The following MEGF11 variants were observed in gnomAD, a reference collection of about 807,000 sequenced individuals.
The protein encoded by MEGF11 is multiple EGF like domains 11.
Under a neutral mutation model 146.6 loss-of-function variants are expected in MEGF11, and 126 were observed. The ratio of observed to expected loss-of-function variants is 0.86; its 90% CI spans 0.74 to 1.00. MEGF11 has a LOEUF of 1.00. MEGF11 is among the 50% of genes least tolerant of loss of function. The pLI is 0.00. For missense variants in MEGF11, 1,509 were observed against 1,521.2 expected, an observed-to-expected ratio of 0.99 and a Z score of 0.13; for synonymous variants, 532 against 583.4, an observed-to-expected ratio of 0.91 and a Z score of 1.27.
chr15:66,231,401 C>A lies in MEGF11; in HGVS notation c.-9+22204G>T, dbSNP rs147290101. ...GTGTGATACGGCCTCTAGATAATGG[C>A]GGGGTCAGAACGGAAGTTGTCAAAG... On this transcript the variant is annotated intron_variant, in intron 1 of 25. Transcript: ENST00000395614. 9.8e-3 allele frequency among the ~76,000 whole-genome samples: 1,488 copies of A among 151,592 alleles called. 12 individuals carry two copies. The highest frequency in any genetic ancestry group is 0.017 in the Middle Eastern group (5 of 294).
intron 5 of MEGF11, among the ~76,000 whole-genome samples, chr15:66,051,670 C>T (rs1455919437): frequency 6.6e-6 from 1 of 152,150 alleles, no homozygotes; most frequent in Admixed American, 6.5e-5. Context: ...GGGGCTGGAG[C>T]CTTGGGGCAT....
At chr15:66,182,209 C>A (rs118184036) in intron 1 of MEGF11, among the ~76,000 whole-genome samples, 2,300 of 152,252 alleles carry the variant, frequency 0.015, 29 homozygotes, top group Non-Finnish European at 0.021. Context: ...AGTCCTCATA[C>A]CCCTCCACGG....
In MEGF11 at chr15:65,957,678, A is replaced by T. The variant is rs1044796422; in HGVS notation, c.1156T>A (p.Ser386Thr). 2 of 1,613,704 alleles carry T rather than the reference A, an allele frequency of 1.2e-6. No homozygotes were observed. The highest frequency in any genetic ancestry group is 2.7e-5 in the African/African-American group (2 of 74,912). ...CAGGATTCATTGCAGTGGTGACCAG[A>T]CCAGCCTGGCTGGCAGGTACAAGCT... ...TGACTCQPGW[S>T]GHHCNESCPV... is the part of the protein sequence containing the mutation. Residue 386 changes from serine to threonine, a missense_variant, in exon 10 of 26, where the codon TCT (serine) becomes ACT (threonine). Ser to Thr is a moderately conservative substitution (Grantham distance 58). Transcript: ENST00000395614.
chr15:66,060,113 T>C (rs2084841361), intron 5 of MEGF11, among the ~76,000 whole-genome samples: 1 of 148,684 alleles, frequency 6.7e-6, no homozygotes, highest in African/African-American at 2.5e-5. Context: ...AACAAAGAGA[T>C]GAGTGACTAG....
rs910561622 is a variant in MEGF11, at chr15:65,951,639, A to T, written c.1287+5908T>A. On this transcript the variant is annotated intron_variant, in intron 10 of 25. Transcript: ENST00000395614. ...GAGGTGGAGGTTGCAGTAAGCTGAG[A>T]TCACGCCACTGCATTTCAGCCTAGG... 7.2e-5 allele frequency among the ~76,000 whole-genome samples: 11 copies of T among 152,232 alleles called. 1 individual carries two copies. The highest frequency in any genetic ancestry group is 3.9e-4 in the Admixed American group (6 of 15,282).
intron 1 of MEGF11, among the ~76,000 whole-genome samples, chr15:66,188,050 C>T (rs1006312836): frequency 6.6e-6 from 1 of 152,126 alleles, no homozygotes; most frequent in Non-Finnish European, 1.5e-5. Context: ...CTGGGGGGAG[C>T]CGGAGGACTG....
intron 20 of MEGF11, chr15:65,913,484 A>T: frequency 3.4e-6 from 2 of 583,848 alleles, no homozygotes; most frequent in South Asian, 4.2e-5. Flanking sequence ...GGTGAGAAGG[A>T]TAGGGAAGCT....
chr15:66,013,990 G>A (rs1177460188), intron 5 of MEGF11, among the ~76,000 whole-genome samples: 1 of 152,188 alleles, frequency 6.6e-6, no homozygotes, highest in African/African-American at 2.4e-5. Flanking sequence ...TTTGAGCAGA[G>A]GAGGGCCATG....
At chr15:66,010,565 C>T (rs192750946) in intron 5 of MEGF11, among the ~76,000 whole-genome samples, 8 of 152,130 alleles carry the variant, frequency 5.3e-5, no homozygotes, top group Non-Finnish European at 7.3e-5. Flanking sequence ...GGGCTGCATG[C>T]GGCCCATGGA....
chr15:65,966,824 C>T (rs1325380511), intron 8 of MEGF11, among the ~76,000 whole-genome samples: 1 of 151,958 alleles, frequency 6.6e-6, no homozygotes, highest in Non-Finnish European at 1.5e-5. Context: ...CACTGCTGAC[C>T]ACCTGGTTTC....
intron 1 of MEGF11, among the ~76,000 whole-genome samples, chr15:66,143,653 T>A (rs2089256668): frequency 6.6e-6 from 1 of 152,178 alleles, no homozygotes. Flanking sequence ...TTGACTTTCT[T>A]CTCTCCAGGG....
intron 5 of MEGF11, among the ~76,000 whole-genome samples, chr15:66,092,108 A>T (rs1257161635): frequency 6.7e-6 from 1 of 149,920 alleles, no homozygotes; most frequent in African/African-American, 2.5e-5. Flanking sequence ...TATTATGAGC[A>T]AGAACCAATC....
At chr15:66,232,799 A>G (rs969993759) in intron 1 of MEGF11, among the ~76,000 whole-genome samples, 13 of 152,202 alleles carry the variant, frequency 8.5e-5, no homozygotes, top group Admixed American at 5.2e-4. Context: ...GCCAAGTGCC[A>G]TACTTACCTG....
At chr15:65,966,050 G>T (rs1282763700) in intron 8 of MEGF11, among the ~76,000 whole-genome samples, 2 of 152,156 alleles carry the variant, frequency 1.3e-5, no homozygotes, top group Non-Finnish European at 2.9e-5. Flanking sequence ...CTGTTGCCCA[G>T]GCTGGAATGG....
intron 13 of MEGF11, among the ~76,000 whole-genome samples, chr15:65,927,362 C>T (rs2079407027): frequency 6.6e-6 from 1 of 152,220 alleles, no homozygotes; most frequent in African/African-American, 2.4e-5. Context: ...GGGTTCTTAA[C>T]TACCGTGTTA....
At chr15:66,044,075 G>A (rs931080462) in intron 5 of MEGF11, among the ~76,000 whole-genome samples, 1 of 152,162 alleles carries the variant, frequency 6.6e-6, no homozygotes, top group Non-Finnish European at 1.5e-5. Context: ...TCCCACAGGA[G>A]GCAGTGATCT....
chr15:66,027,001 AGTGAT>A (rs2083351452), intron 5 of MEGF11, among the ~76,000 whole-genome samples: 1 of 152,238 alleles, frequency 6.6e-6, no homozygotes, highest in African/African-American at 2.4e-5. Flanking sequence ...TCCCACCTGC[AGTGAT>A]GTCTTGGTGC....
chr15:66,212,061 G>C (rs1046081387), intron 1 of MEGF11, among the ~76,000 whole-genome samples: 1 of 1,036 alleles, frequency 9.7e-4, no homozygotes, highest in Middle Eastern at 0.5. Context: ...CAGGCAGGGG[G>C]AGACAGCCCA....
chr15:65,929,927 G>A (rs775957055), intron 11 of MEGF11, 44 bp from the exon 12 acceptor site: 33 of 1,554,756 alleles, frequency 2.1e-5, no homozygotes, highest in South Asian at 3.6e-5. Flanking sequence ...TCCAGGCCCA[G>A]TGTGTCTTTT....
Sources: gnomAD v4.1 joint callset for allele counts (sites outside exome capture counted in the v4.1 genomes callset) on GRCh38, gnomAD v4.1.1 for gene constraint, MANE v1.5 for transcripts, NCBI Gene and HGNC (gene_info 2026-07-23, HGNC 2026-07-21) for gene names.